TRPM3: variants seen among roughly 807,000 people sequenced by gnomAD.
TRPM3 encodes long transient receptor potential channel 3.
Under a neutral mutation model 181.2 loss-of-function variants are expected in TRPM3, and 77 were observed. The observed-to-expected ratio is 0.42, with a 90% CI of 0.35 to 0.51. The LOEUF is 0.51. Ranked by LOEUF, TRPM3 falls within the 20% of genes least tolerant of loss-of-function variation. The probability of loss-of-function intolerance (pLI) is 0.01; values close to 1 mark genes in which losing one functional copy is unlikely to be tolerated. For synonymous variants in TRPM3, 745 were observed against 796.4 expected, an observed-to-expected ratio of 0.94 and a Z score of 1.09; for missense variants, 1,759 against 2,196.7, an observed-to-expected ratio of 0.80 and a Z score of 3.98.
chr9:71,398,310 AAATAGGATT>A (rs2093249323), intron 1 of TRPM3, among the ~76,000 whole-genome samples: 1 of 152,216 alleles, frequency 6.6e-6, no homozygotes, highest in African/African-American at 2.4e-5. Flanking sequence ...TTCATCTATA[AAATAGGATT>A]AATACACTAT....
At chr9:71,019,202 A>C (rs1441239548) in intron 1 of TRPM3, among the ~76,000 whole-genome samples, 34 of 151,956 alleles carry the variant, frequency 2.2e-4, no homozygotes, top group Non-Finnish European at 4.4e-5. Flanking sequence ...AGACCTGGAA[A>C]AAGATAGAGA....
chr9:71,106,449 C>T (rs1219273626), intron 1 of TRPM3, among the ~76,000 whole-genome samples: 1 of 152,092 alleles, frequency 6.6e-6, no homozygotes, highest in Non-Finnish European at 1.5e-5. Context: ...TCCTCCCTCA[C>T]TTTCTTGCTC....
chr9:70,634,231 T>C (rs978473888), intron 12 of TRPM3, among the ~76,000 whole-genome samples: 1 of 152,116 alleles, frequency 6.6e-6, no homozygotes, highest in Non-Finnish European at 1.5e-5. Context: ...TGCCTCAGCC[T>C]CCCAAGTAGC....
At chr9:70,804,224 G>A (rs1457635004) in intron 6 of TRPM3, among the ~76,000 whole-genome samples, 4 of 152,114 alleles carry the variant, frequency 2.6e-5, no homozygotes, top group Non-Finnish European at 5.9e-5. Context: ...CAGCTACTTG[G>A]GAGGCTGAGG....
intron 9 of TRPM3, among the ~76,000 whole-genome samples, chr9:70,661,276 A>G (rs2061097288): frequency 6.6e-6 from 1 of 152,136 alleles, no homozygotes; most frequent in Admixed American, 6.5e-5. Flanking sequence ...ACAGGCATAG[A>G]AGGGACTTAC....
At chr9:70,648,982 A>G (rs115151784) in intron 9 of TRPM3, among the ~76,000 whole-genome samples, 2,285 of 152,332 alleles carry the variant, frequency 0.015, 67 homozygotes, top group African/African-American at 0.05. Flanking sequence ...ACAAAACCAA[A>G]TTAGACAATG....
chr9:71,396,814 A>C (rs2132992308), intron 1 of TRPM3, among the ~76,000 whole-genome samples: 1 of 151,960 alleles, frequency 6.6e-6, no homozygotes, highest in South Asian at 2.1e-4. Context: ...AAAATACAAA[A>C]AATTTGCCAG....
At chr9:70,595,472 T>C (rs2132603698) in intron 21 of TRPM3, among the ~76,000 whole-genome samples, 1 of 152,330 alleles carries the variant, frequency 6.6e-6, no homozygotes, top group Admixed American at 6.5e-5. Context: ...CTAAATATCC[T>C]ATGATACACA....
intron 1 of TRPM3, among the ~76,000 whole-genome samples, chr9:71,311,930 T>A (rs1052335024): frequency 8.5e-5 from 13 of 152,164 alleles, no homozygotes; most frequent in African/African-American, 2.9e-4. Flanking sequence ...TTAAGCAAGT[T>A]TATGAATTTG....
At chr9:70,807,355 A>T (rs1038642857) in intron 6 of TRPM3, among the ~76,000 whole-genome samples, 1 of 152,246 alleles carries the variant, frequency 6.6e-6, no homozygotes, top group African/African-American at 2.4e-5. Context: ...AACACAGTCA[A>T]CTTTCTCAGA....
intron 25 of TRPM3, among the ~76,000 whole-genome samples, chr9:70,544,148 C>T (rs2131704817): frequency 6.6e-6 from 1 of 152,056 alleles, no homozygotes; most frequent in Admixed American, 6.5e-5. Context: ...CCCTTAAGAA[C>T]CAATGGGAAA....
intron 1 of TRPM3, among the ~76,000 whole-genome samples, chr9:71,419,437 C>A (rs1358639887): frequency 6.6e-6 from 1 of 151,904 alleles, no homozygotes; most frequent in East Asian, 1.9e-4. Flanking sequence ...TATTAGGTAT[C>A]TTTTTCCCTG....
intron 1 of TRPM3, among the ~76,000 whole-genome samples, chr9:71,406,285 A>T (rs556876459): frequency 1.3e-5 from 2 of 152,354 alleles, no homozygotes; most frequent in South Asian, 4.1e-4. Flanking sequence ...ATGCAAAAGG[A>T]ACACGGCAGA....
At chr9:71,270,685 T>TA in intron 1 of TRPM3, among the ~76,000 whole-genome samples, 1 of 152,324 alleles carries the variant, frequency 6.6e-6, no homozygotes. Context: ...ACTCCTGGTA[T>TA]ACATGCCCTG....
chr9:71,274,643 A>G (rs11142772), intron 1 of TRPM3, among the ~76,000 whole-genome samples: 78 of 152,336 alleles, frequency 5.1e-4, no homozygotes, highest in Non-Finnish European at 9.7e-4. Flanking sequence ...ATGCTCACCT[A>G]AAATTCTGAG....
At chr9:70,917,881 T>C (rs933856176) in intron 1 of TRPM3, among the ~76,000 whole-genome samples, 2 of 151,794 alleles carry the variant, frequency 1.3e-5, no homozygotes, top group Admixed American at 1.3e-4. Flanking sequence ...CAAGATCGAA[T>C]GATCTGTTGC....
chr9:70,792,461 G>A (rs766173260), intron 6 of TRPM3, among the ~76,000 whole-genome samples: 2 of 151,852 alleles, frequency 1.3e-5, no homozygotes, highest in African/African-American at 2.4e-5. Context: ...AGGAGAGAGA[G>A]AGGGGAGAGA....
chr9:71,383,268 A>C (rs1202253081), intron 1 of TRPM3, among the ~76,000 whole-genome samples: 5 of 152,142 alleles, frequency 3.3e-5, no homozygotes, highest in Admixed American at 6.6e-5. Flanking sequence ...ACGCGTTGAA[A>C]TATGTATCAT....
chr9:71,281,403 T>G (rs953910032), intron 1 of TRPM3, among the ~76,000 whole-genome samples: 3 of 152,184 alleles, frequency 2.0e-5, no homozygotes, highest in Non-Finnish European at 4.4e-5. Context: ...TGCCCCCAAC[T>G]GCTACCATCT....
Sources: gnomAD v4.1 joint callset for allele counts (sites outside exome capture counted in the v4.1 genomes callset) on GRCh38, gnomAD v4.1.1 for gene constraint, MANE v1.5 for transcripts, NCBI Gene and HGNC (gene_info 2026-07-23, HGNC 2026-07-21) for gene names.